The following SH3YL1 variants were observed in gnomAD, a reference collection of about 807,000 sequenced individuals.
SH3YL1 encodes SH3 and SYLF domain containing 1.
A neutral mutation model predicts 45.8 loss-of-function variants in SH3YL1; 41 were observed. The ratio of observed to expected loss-of-function variants is 0.89; its 90% CI spans 0.70 to 1.16. SH3YL1 has a LOEUF of 1.16. Ranked by LOEUF, SH3YL1 falls within the 50% of genes most tolerant of loss-of-function variation. SH3YL1 has a pLI of 0.00. For synonymous variants in SH3YL1, 152 were observed against 151.4 expected (o/e 1.00, Z -0.03); for missense variants, 389 against 409.6 (o/e 0.95, Z 0.43).
At chr2:258,041 T>C (rs1473949225) in intron 1 of SH3YL1, among the ~76,000 whole-genome samples, 2 of 152,236 alleles carry the variant, frequency 1.3e-5, no homozygotes, top group Non-Finnish European at 2.9e-5. Context: ...TACCATGCTG[T>C]TTTCATTACT....
In SH3YL1 at chr2:221,456, T is replaced by C. The variant is rs189054842; in HGVS notation, c.839-2455A>G. ...ACTAAGAAAGAGAAAGAAGGCGAGATCACACACCTGGTTTGGTCCCTGCCC... is the reference window on the plus strand; with the variant it reads ...ACTAAGAAAGAGAAAGAAGGCGAGACCACACACCTGGTTTGGTCCCTGCCC... On this transcript the variant is annotated intron_variant, in intron 9 of 9. Transcript: ENST00000356150. Among the ~76,000 whole-genome samples the C allele has an allele frequency of 1.8e-4, 27 of 152,108 alleles. No individual in the cohort carries two copies. In the East Asian group the frequency reaches 3.1e-3, roughly 17 times the overall value.
chr2:224,594 G>A (rs1000864570), intron 9 of SH3YL1, among the ~76,000 whole-genome samples: 2 of 151,776 alleles, frequency 1.3e-5, no homozygotes, highest in Non-Finnish European at 1.5e-5. Flanking sequence ...GCTCCTATCC[G>A]GGGCTTAGCA....
chr2:258,453 C>G (rs1669451172), intron 1 of SH3YL1, among the ~76,000 whole-genome samples: 1 of 152,150 alleles, frequency 6.6e-6, no homozygotes. Flanking sequence ...ATTTCTCGAT[C>G]TGTTTTTGAC....
intron 4 of SH3YL1, among the ~76,000 whole-genome samples, chr2:246,299 G>A (rs919638084): frequency 2.6e-5 from 4 of 152,070 alleles, no homozygotes; most frequent in Non-Finnish European, 1.5e-5. Flanking sequence ...CATTTTACTT[G>A]CTCTTGTTTT....
chr2:261,587 A>C (rs1367167852), intron 1 of SH3YL1, among the ~76,000 whole-genome samples: 1 of 152,236 alleles, frequency 6.6e-6, no homozygotes, highest in East Asian at 1.9e-4. Context: ...CAAAAGCATA[A>C]ATCAGCTTAA....
chr2:237,872 A>G (rs747570649), intron 4 of SH3YL1, among the ~76,000 whole-genome samples: 3 of 152,246 alleles, frequency 2.0e-5, no homozygotes, highest in Non-Finnish European at 2.9e-5. Context: ...AAGTGTTTCA[A>G]TTAAATAAAT....
intron 2 of SH3YL1, among the ~76,000 whole-genome samples, chr2:251,206 A>G (rs1248071198): frequency 6.6e-6 from 1 of 152,258 alleles, no homozygotes; most frequent in Non-Finnish European, 1.5e-5. Context: ...ATAACATAGA[A>G]TGTACCAATT....
chr2:231,885 C>T (rs958268735), intron 6 of SH3YL1, among the ~76,000 whole-genome samples: 2 of 151,982 alleles, frequency 1.3e-5, no homozygotes, highest in African/African-American at 4.8e-5. Flanking sequence ...TATTTTCTAC[C>T]TCTTGTGGTT....
intron 2 of SH3YL1, among the ~76,000 whole-genome samples, chr2:251,270 G>C (rs1020421632): frequency 2.6e-5 from 4 of 152,178 alleles, no homozygotes; most frequent in Non-Finnish European, 5.9e-5. Context: ...CCTAACATTA[G>C]AGGAGGCCAA....
Position 255,418 on chromosome 2 carries a change from A to AC in SH3YL1, c.2-2304dup, listed in dbSNP as rs367727578. On this transcript the variant is annotated intron_variant, in intron 1 of 9. Transcript: ENST00000356150. ...AGACCAGCCTGGGCAACATAGTGAG[A>AC]CCCCCATCTCTACCAATAAAATGAT... Among the ~76,000 whole-genome samples the AC allele has an allele frequency of 2.0e-3, 307 of 152,028 alleles. 1 individual carries two copies. The highest frequency in any genetic ancestry group is 4.5e-3 in the African/African-American group (187 of 41,472).
chr2:234,037 TC>T, intron 5 of SH3YL1, 122 bp downstream of exon 5: 1 of 700,600 alleles, frequency 1.4e-6, no homozygotes, highest in Non-Finnish European at 2.4e-6. Flanking sequence ...CTCAAATCTT[TC>T]GGGCATGTAT....
At chr2:228,533 CAGTG>C (rs1330742662) in intron 8 of SH3YL1, among the ~76,000 whole-genome samples, 1 of 152,146 alleles carries the variant, frequency 6.6e-6, no homozygotes, top group Non-Finnish European at 1.5e-5. Context: ...TATCCATTCT[CAGTG>C]AGGACATTTT....
chr2:234,349 A>T, intron 4 of SH3YL1, 77 bp from the exon 5 acceptor site: 1 of 1,040,638 alleles, frequency 9.6e-7, no homozygotes. Flanking sequence ...CTAACACTCA[A>T]CTACACCATA....
chr2:253,698 G>C (rs1669182009), intron 1 of SH3YL1, among the ~76,000 whole-genome samples: 1 of 152,160 alleles, frequency 6.6e-6, no homozygotes, highest in African/African-American at 2.4e-5. Flanking sequence ...TCCACCTATT[G>C]AGTAGCCCTT....
intron 4 of SH3YL1, among the ~76,000 whole-genome samples, chr2:245,038 T>C (rs1357827437): frequency 1.3e-5 from 2 of 152,150 alleles, no homozygotes; most frequent in Non-Finnish European, 2.9e-5. Flanking sequence ...CATGCTCCCG[T>C]TCTGACTCCC....
At chr2:223,598 C>T (rs1667670570) in intron 9 of SH3YL1, among the ~76,000 whole-genome samples, 1 of 152,234 alleles carries the variant, frequency 6.6e-6, no homozygotes, top group Non-Finnish European at 1.5e-5. Flanking sequence ...TTTGCTTCTA[C>T]AGGATGTGTA....
At chr2:250,805 A>G (rs914883718) in intron 2 of SH3YL1, among the ~76,000 whole-genome samples, 1 of 152,216 alleles carries the variant, frequency 6.6e-6, no homozygotes, top group African/African-American at 2.4e-5. Context: ...ATCCAACACC[A>G]TGAAGTTTGC....
At chr2:242,838 G>A in intron 4 of SH3YL1, 1 of 1,523,668 alleles carries the variant, frequency 6.6e-7, no homozygotes. Context: ...GATGTGTCAT[G>A]CAGATGGCAA....
Position 233,191 on chromosome 2 carries a change from G to T in SH3YL1, c.443C>A (p.Ala148Asp). The change falls in exon 6 of 10, where the codon GCC becomes GAC. Residue 148 changes from alanine to aspartate, a missense_variant. Physicochemically the swap from Ala to Asp is moderately radical, Grantham distance 126. Coordinates refer to ENST00000356150, the MANE Select transcript of SH3YL1 (RefSeq NM_015677.4). ...EGNVALRSSA[A>D]VFTYCKSRGL... is the part of the protein sequence containing the mutation. ...CCTTGACTTGCAGTACGTGAAGACG[G>T]CAGCGGAGCTTCTCAGGGCCACGTT... 6.3e-7 allele frequency: 1 copy of T among 1,591,494 alleles called. No homozygotes were observed. Among genetic ancestry groups the T allele is most frequent in the Non-Finnish European group, 8.6e-7 (1 of 1,166,940 alleles).
Sources: allele counts gnomAD v4.1 joint callset (sites outside exome capture counted in the v4.1 genomes callset), GRCh38; gene constraint gnomAD v4.1.1; transcripts MANE v1.5; gene names NCBI Gene and HGNC (gene_info 2026-07-23, HGNC 2026-07-21).